Variants in AKAP19 observed in about 807,000 individuals in gnomAD.
AKAP19 encodes the protein A-kinase anchoring protein 19.
the AKAP19 span, among the ~76,000 whole-genome samples, chr2:189,980,080 G>A: frequency 6.6e-6 from 1 of 152,004 alleles, no homozygotes; most frequent in East Asian, 1.9e-4. Context: ...CCAAAGAAAA[G>A]GACATCATTT....
chr2:189,934,339 GA>G, the AKAP19 span, among the ~76,000 whole-genome samples: 3 of 151,928 alleles, frequency 2.0e-5, no homozygotes, highest in Non-Finnish European at 4.4e-5. Flanking sequence ...TCATATTCTG[GA>G]AAACTGACAA....
At chr2:189,917,296 C>A in the AKAP19 span, 1 of 1,412,636 alleles carries the variant, frequency 7.1e-7, no homozygotes, top group Non-Finnish European at 9.9e-7. Flanking sequence ...TCTTCATGGT[C>A]CTCCATCTGT....
chr2:190,057,564 C>T, the AKAP19 span: 7 of 1,613,536 alleles, frequency 4.3e-6, no homozygotes, highest in African/African-American at 5.3e-5. Flanking sequence ...CTGTTGAGTG[C>T]TCATCACAGT....
the AKAP19 span, among the ~76,000 whole-genome samples, chr2:190,130,706 C>T: frequency 6.6e-6 from 1 of 152,124 alleles, no homozygotes; most frequent in African/African-American, 2.4e-5. Flanking sequence ...ATCTCGCTAG[C>T]TATCAGTTTA....
At chr2:189,900,131 G>A in the AKAP19 span, among the ~76,000 whole-genome samples, 1 of 152,042 alleles carries the variant, frequency 6.6e-6, no homozygotes, top group Non-Finnish European at 1.5e-5. Flanking sequence ...ATATGAATTT[G>A]CTAACAACTT....
chr2:190,124,707 T>C, the AKAP19 span, among the ~76,000 whole-genome samples: 244 of 152,298 alleles, frequency 1.6e-3, 4 homozygotes, highest in African/African-American at 5.5e-3. Context: ...CCCTGTCTTT[T>C]AGCTTACTGT....
chr2:189,972,529 G>C, the AKAP19 span, among the ~76,000 whole-genome samples: 1 of 152,196 alleles, frequency 6.6e-6, no homozygotes, highest in Non-Finnish European at 1.5e-5. Context: ...AAAGTCATTG[G>C]TAGCTTGATG....
At chr2:189,914,423 T>C in the AKAP19 span, among the ~76,000 whole-genome samples, 22 of 152,088 alleles carry the variant, frequency 1.4e-4, no homozygotes, top group Non-Finnish European at 2.7e-4. Context: ...TATTTGTTTA[T>C]TTTTCTTCCC....
chr2:189,908,949 G>A, the AKAP19 span, among the ~76,000 whole-genome samples: 1 of 152,162 alleles, frequency 6.6e-6, no homozygotes, highest in Non-Finnish European at 1.5e-5. Context: ...TCTTAAAAGT[G>A]AGATATTGAA....
At chr2:190,146,474 A>G in the AKAP19 span, among the ~76,000 whole-genome samples, 3 of 152,230 alleles carry the variant, frequency 2.0e-5, no homozygotes, top group East Asian at 3.8e-4. Context: ...ATGTGCAAGT[A>G]TCTTTTTTGA....
the AKAP19 span, among the ~76,000 whole-genome samples, chr2:189,937,045 G>T: frequency 2.3e-4 from 35 of 152,258 alleles, no homozygotes; most frequent in Admixed American, 3.9e-4. Flanking sequence ...TGAGGCAGGG[G>T]TATGGTGTGA....
chr2:190,079,882 T>TGTGG, the AKAP19 span: 1 of 95,320 alleles, frequency 1.0e-5, no homozygotes, highest in East Asian at 2.9e-4. Context: ...TGTGTGTGTG[T>TGTGG]GTGTGTGTGA....
the AKAP19 span, chr2:190,180,540 G>A: frequency 3.0e-6 from 3 of 985,774 alleles, no homozygotes; most frequent in Non-Finnish European, 3.6e-6. This position sits in a 1 kb window ranked among gnomAD's most constrained non-coding sequence, Gnocchi z 6.8. Context: ...TTGCGGGTCT[G>A]TTCCCGCTGC....
At chr2:189,894,227 T>A in the AKAP19 span, among the ~76,000 whole-genome samples, 1 of 152,214 alleles carries the variant, frequency 6.6e-6, no homozygotes, top group Non-Finnish European at 1.5e-5. Flanking sequence ...GATACTTATA[T>A]ACAGAATCTT....
At chr2:190,113,992 T>C in the AKAP19 span, among the ~76,000 whole-genome samples, 1 of 152,246 alleles carries the variant, frequency 6.6e-6, no homozygotes, top group East Asian at 1.9e-4. Flanking sequence ...ATAATCAATT[T>C]GTTTCTGTCA....
the AKAP19 span, among the ~76,000 whole-genome samples, chr2:190,110,766 A>G: frequency 2.0e-5 from 3 of 152,290 alleles, no homozygotes; most frequent in Non-Finnish European, 4.4e-5. Context: ...GGAGAATGAA[A>G]TGCTTCTGGC....
chr2:189,961,537 A>G, the AKAP19 span, among the ~76,000 whole-genome samples: 1 of 152,168 alleles, frequency 6.6e-6, no homozygotes, highest in East Asian at 1.9e-4. Context: ...TTTAAAACAT[A>G]TATTTTATAG....
the AKAP19 span, among the ~76,000 whole-genome samples, chr2:189,955,036 A>T: frequency 6.6e-6 from 1 of 152,104 alleles, no homozygotes; most frequent in African/African-American, 2.4e-5. Flanking sequence ...CTTTTAGTGT[A>T]CTCATCACCC....
the AKAP19 span, among the ~76,000 whole-genome samples, chr2:190,015,714 T>G: frequency 6.6e-6 from 1 of 152,218 alleles, no homozygotes; most frequent in African/African-American, 2.4e-5. Context: ...TGCTTCCCTT[T>G]TATGTATAAG....
Sources: allele counts gnomAD v4.1 joint callset (sites outside exome capture counted in the v4.1 genomes callset), GRCh38; gene constraint gnomAD v4.1.1; non-coding constraint Gnocchi (gnomAD v3.1); transcripts MANE v1.5; gene names NCBI Gene and HGNC (gene_info 2026-07-23, HGNC 2026-07-21).